Variants in VSTM2A observed in about 807,000 individuals in gnomAD.
VSTM2A encodes the protein V-set and transmembrane domain containing 2A, also known as V-set and transmembrane domain-containing protein 2A.
VSTM2A carries 13 observed loss-of-function variants against 27.3 expected under a neutral mutation model. The observed-to-expected ratio is 0.48, with a 90% CI of 0.31 to 0.76. The LOEUF (loss-of-function observed/expected upper bound fraction) is 0.76, where lower values mean the gene tolerates loss of function less well. Ranked by LOEUF, VSTM2A falls within the 30% of genes least tolerant of loss-of-function variation. The probability of loss-of-function intolerance (pLI) is 0.05; values close to 1 mark genes in which losing one functional copy is unlikely to be tolerated. For missense variants in VSTM2A, 280 were observed against 310.0 expected, an observed-to-expected ratio of 0.90 and a Z score of 0.73; for synonymous variants, 142 against 125.7, an observed-to-expected ratio of 1.13 and a Z score of -0.87.
In VSTM2A at chr7:54,570,116, A is replaced by T. The variant is rs1170031679; in HGVS notation, c.*897A>T. 2 of 152,282 alleles carry T rather than the reference A, an allele frequency of 1.3e-5. No homozygotes were observed. The highest frequency in any genetic ancestry group is 2.4e-5 in the African/African-American group (1 of 41,564). The allele number at this position is 152,282 out of a possible 1,614,324, so 9.4% of individuals were successfully genotyped here. ...GAAAGTGCATATTCAAAATTGTATC[A>T]GTCTCTGATCGATGAATTAATTTTG... On this transcript the variant is annotated 3_prime_UTR_variant, in exon 5 of 5. Transcript: ENST00000402613.
intron 4 of VSTM2A, among the ~76,000 whole-genome samples, chr7:54,557,666 A>G (rs1788414771): frequency 6.6e-6 from 1 of 152,188 alleles, no homozygotes. Context: ...GAACTATACT[A>G]TAATCCTCAC....
chr7:54,567,934 G>A (rs546850241), intron 4 of VSTM2A, among the ~76,000 whole-genome samples: 1 of 152,188 alleles, frequency 6.6e-6, no homozygotes, highest in Admixed American at 6.5e-5. Context: ...AGCTATCACT[G>A]TTGCATTTTT....
chr7:54,552,827 C>T (rs963632413), intron 4 of VSTM2A, among the ~76,000 whole-genome samples: 1 of 152,170 alleles, frequency 6.6e-6, no homozygotes, highest in Non-Finnish European at 1.5e-5. Flanking sequence ...AGGCATCCTT[C>T]ATCTATGGTA....
chr7:54,546,931 C>G lies in VSTM2A; in HGVS notation c.247-16C>G. 1 of 1,598,258 alleles carries G rather than the reference C, an allele frequency of 6.3e-7. No homozygotes were observed. Among genetic ancestry groups the G allele is most frequent in the Non-Finnish European group, 8.5e-7 (1 of 1,174,720 alleles). The stretch of plus-strand genomic sequence containing the variant: ...CGGGCCTGGCGCGGGACTGAGCGTT[C>G]GCTCCTTGCCCGCAGGTGGAGCTCT... On this transcript the variant is annotated splice_polypyrimidine_tract_variant and intron_variant, in intron 2 of 4. Coordinates refer to ENST00000402613, the MANE Select transcript of VSTM2A (RefSeq NM_001301009.2).
At chr7:54,553,289 T>C (rs1395343862) in intron 4 of VSTM2A, among the ~76,000 whole-genome samples, 2 of 152,252 alleles carry the variant, frequency 1.3e-5, no homozygotes, top group African/African-American at 4.8e-5. Flanking sequence ...TACCTCCATT[T>C]AGTAATCAGC....
intron 4 of VSTM2A, among the ~76,000 whole-genome samples, chr7:54,564,297 G>T (rs113818754): frequency 6.6e-6 from 1 of 152,144 alleles, no homozygotes; most frequent in African/African-American, 2.4e-5. Context: ...GGTGACGAGT[G>T]GGGGTAGAAA....
Position 54,542,538 on chromosome 7 carries a change from C to A in VSTM2A, c.-193C>A. 1.7e-6 allele frequency: 1 copy of A among 585,828 alleles called. No individual in the cohort carries two copies. 36.3% of individuals were successfully genotyped at this position (585,828 alleles called of 1,614,324 possible). On this transcript the variant is annotated 5_prime_UTR_variant, in exon 1 of 5. Transcript: ENST00000402613. The stretch of plus-strand genomic sequence containing the variant: ...GCTCCGCAGGAAGCCTCGCTGAATC[C>A]CAGCCAGCTGGTTCTAACCTTCCAG...
intron 4 of VSTM2A, among the ~76,000 whole-genome samples, chr7:54,566,445 C>T (rs1788726661): frequency 6.6e-6 from 1 of 152,050 alleles, no homozygotes; most frequent in Admixed American, 6.5e-5. Flanking sequence ...ACAATGTAGG[C>T]CTGGTAAAGA....
chr7:54,554,050 A>G, intron 4 of VSTM2A: 5 of 1,552,632 alleles, frequency 3.2e-6, no homozygotes, highest in Non-Finnish European at 4.4e-6. Flanking sequence ...CCTGGTGTGC[A>G]GAGCTGCGTG....
chr7:54,549,764 T>A, intron 3 of VSTM2A, 70 bp from the exon 4 acceptor site: 1 of 1,400,746 alleles, frequency 7.1e-7, no homozygotes, highest in Non-Finnish European at 9.6e-7. Flanking sequence ...ATTAGCAAGC[T>A]CAGGGTAAAA....
chr7:54,551,433 C>T (rs1362621123), intron 4 of VSTM2A: 1 of 152,098 alleles, frequency 6.6e-6, no homozygotes, highest in African/African-American at 2.4e-5. Flanking sequence ...GAGCAACTCT[C>T]CTGGCATGCC....
At chr7:54,547,094 C>CG in intron 3 of VSTM2A, 97 bp downstream of exon 3, 2 of 1,405,112 alleles carry the variant, frequency 1.4e-6, no homozygotes, top group East Asian at 5.4e-5. Flanking sequence ...TGCAGGACAG[C>CG]CGGACAGCCG....
Position 54,550,414 on chromosome 7 carries a change from C to A in VSTM2A, c.634+244C>A, listed in dbSNP as rs1366949759. 3.6e-6 allele frequency: 4 copies of A among 1,113,176 alleles called. No individual in the cohort carries two copies. In the African/African-American group the frequency reaches 6.2e-5, roughly 17 times the overall value. The allele number at this position is 1,113,176 out of a possible 1,614,324, so 69.0% of individuals were successfully genotyped here. A position where few individuals can be genotyped will look rare whatever the true frequency, so the allele number is the denominator to read the frequency against. On this transcript the variant is annotated intron_variant, in intron 4 of 4. Transcript: ENST00000402613. ...TTCCAGGGCATCTGAGAGCTGGACTCTGGTTTTTATCCTTTCTGTATTTAC... is the reference window on the plus strand; with the variant it reads ...TTCCAGGGCATCTGAGAGCTGGACTATGGTTTTTATCCTTTCTGTATTTAC...
rs1454534727 is a variant in VSTM2A, at chr7:54,544,543, A to C, written c.80-79A>C. The C allele has an allele frequency of 1.1e-5, 17 of 1,579,204 alleles. 1 individual carries two copies. The highest frequency in any genetic ancestry group is 1.2e-5 in the Non-Finnish European group (14 of 1,151,346). On this transcript the variant is annotated intron_variant, in intron 1 of 4. Coordinates refer to ENST00000402613, the MANE Select transcript of VSTM2A (RefSeq NM_001301009.2). ...TTTGTTGCTATTTAAGTCCAGGAAA[A>C]ATGTAGCGAGCTCTCAAGGAAAGAG...
At chr7:54,547,828 T>G (rs1788052496) in intron 3 of VSTM2A, among the ~76,000 whole-genome samples, 1 of 152,180 alleles carries the variant, frequency 6.6e-6, no homozygotes, top group South Asian at 2.1e-4. Flanking sequence ...TTTAAGGCTC[T>G]TACAATAGCG....
rs2115968834 is a variant in VSTM2A at position 54,570,422 on chromosome 7, T to G, written c.*1203T>G. On this transcript the variant is annotated 3_prime_UTR_variant, in exon 5 of 5. Transcript: ENST00000402613. ...CTGCTTCCTTTGACCTTTATGAATT[T>G]CTGTACCTTTGTCATTCTGTTACCT... is the stretch of plus-strand genomic sequence containing the variant. 1 of 152,298 alleles carries G rather than the reference T, an allele frequency of 6.6e-6. No homozygotes were observed. Among genetic ancestry groups the G allele is most frequent in the East Asian group, 1.9e-4 (1 of 5,174 alleles). 9.4% of individuals were successfully genotyped at this position (152,298 alleles called of 1,614,324 possible). A position where few individuals can be genotyped will look rare whatever the true frequency, so the allele number is the denominator to read the frequency against.
intron 4 of VSTM2A, chr7:54,553,992 G>C (rs1160853689): frequency 1.3e-6 from 2 of 1,553,030 alleles, no homozygotes; most frequent in South Asian, 2.4e-5. Context: ...ACACAGAACT[G>C]TGAAGCGGCT....
At chr7:54,563,342 T>C (rs1788620166) in intron 4 of VSTM2A, among the ~76,000 whole-genome samples, 1 of 152,136 alleles carries the variant, frequency 6.6e-6, no homozygotes. Context: ...CAGTTCCCTA[T>C]CAGTAAAATG....
chr7:54,550,047 A>G lies in VSTM2A; in HGVS notation c.511A>G (p.Lys171Glu). The change falls in exon 4 of 5, where the codon AAG becomes GAG. Residue 171 changes from lysine (K) to glutamate (E), a missense_variant. Physicochemically the swap from Lys to Glu is moderately conservative, Grantham distance 56. Transcript: ENST00000402613. ...EASPMWLQDM[K>E]PRKNVSAAIP... ...CTCGCCCATGTGGCTGCAGGATATGAAGCCCCGCAAGAACGTCTCCGCAGC... is the reference window on the plus strand; with the variant it reads ...CTCGCCCATGTGGCTGCAGGATATGGAGCCCCGCAAGAACGTCTCCGCAGC... 2 of 1,609,914 alleles carry G rather than the reference A, an allele frequency of 1.2e-6. No homozygotes were observed. The highest frequency in any genetic ancestry group is 1.7e-6 in the Non-Finnish European group (2 of 1,178,100).
Sources: allele counts gnomAD v4.1 joint callset (sites outside exome capture counted in the v4.1 genomes callset), GRCh38; gene constraint gnomAD v4.1.1; transcripts MANE v1.5; gene names NCBI Gene and HGNC (gene_info 2026-07-23, HGNC 2026-07-21).